RP1: variants seen among roughly 807,000 people sequenced by gnomAD.
RP1 encodes oxygen-regulated protein 1.
RP1 carries 16 observed loss-of-function variants against 14.8 expected under a neutral mutation model. The observed-to-expected ratio is 1.08, with a 90% CI of 0.73 to 1.65. The LOEUF (loss-of-function observed/expected upper bound fraction) is 1.65, where lower values mean the gene tolerates loss of function less well. RP1 is among the 40% of genes most tolerant of loss of function. The pLI is 0.00. For missense variants in RP1, 2,631 were observed against 2,535.0 expected (o/e 1.04, Z -0.81); for synonymous variants, 876 against 883.6 (o/e 0.99, Z 0.15).
chr8:54,706,441 A>AGG lies in RP1; in HGVS notation c.2001_2002dup, dbSNP rs1808151450. ...CTTTCTGTTCTGTTTGTTGCTCTGAAGGGGGTGTTCCTCAACAGTGCTGTG... is the reference window on the plus strand; with the variant it reads ...CTTTCTGTTCTGTTTGTTGCTCTGAAGGGGGGGTGTTCCTCAACAGTGCTGTG... On this transcript the variant is annotated splice_acceptor_variant, in intron 14 of 22. Transcript: ENST00000636932. LOFTEE classifies it high-confidence loss of function. 6.5e-7 allele frequency: 1 copy of AGG among 1,535,672 alleles called. No homozygotes were observed. Among genetic ancestry groups the AGG allele is most frequent in the East Asian group, 2.4e-5 (1 of 40,890 alleles).
intron 3 of RP1, among the ~76,000 whole-genome samples, chr8:54,643,889 G>GT (rs1192119244): frequency 9.9e-5 from 15 of 152,012 alleles, no homozygotes; most frequent in Non-Finnish European, 2.2e-4. Flanking sequence ...TTGCTTTCTA[G>GT]CCCCCAATAA....
intron 24 of RP1, among the ~76,000 whole-genome samples, chr8:54,784,559 C>T (rs1341360925): frequency 6.6e-6 from 1 of 151,958 alleles, no homozygotes; most frequent in Non-Finnish European, 1.5e-5. Flanking sequence ...ATTTTTTTAA[C>T]CAAAGCTACC....
At chr8:54,815,702 T>C (rs1484785754) in intron 24 of RP1, among the ~76,000 whole-genome samples, 2 of 152,116 alleles carry the variant, frequency 1.3e-5, no homozygotes, top group African/African-American at 4.8e-5. Context: ...TGTATGTGTG[T>C]TTGGTGTTTG....
At position 54,721,939 on chromosome 8, in the gene RP1, A is replaced by G. The variant is rs75793110; in HGVS notation, c.2389+1633A>G. Among the ~76,000 whole-genome samples the G allele has an allele frequency of 8.3e-3, 1,269 of 152,252 alleles. 22 individuals are homozygous for G. The highest frequency in any genetic ancestry group is 0.029 in the African/African-American group (1,198 of 41,550). On this transcript the variant is annotated intron_variant, in intron 16 of 22. Transcript: ENST00000636932. ...AGGGGATTTTGTGAAGAGTGACAGA[A>G]TGTTTATGTAAAAGTTTGTAGGGCC...
intron 1 of RP1, among the ~76,000 whole-genome samples, chr8:54,577,942 ATTTTCT>A (rs147187608): frequency 3.5e-4 from 38 of 109,214 alleles, no homozygotes; most frequent in African/African-American, 9.5e-4. Context: ...CATGACAAAC[ATTTTCT>A]TTTTTTTTTA....
chr8:54,663,165 T>C (rs1156529248), intron 6 of RP1, among the ~76,000 whole-genome samples: 1 of 152,196 alleles, frequency 6.6e-6, no homozygotes, highest in Non-Finnish European at 1.5e-5. Context: ...GTATGCTCTC[T>C]GCCTGTGCAT....
chr8:54,560,249 C>T (rs922076129), intron 1 of RP1: 1 of 152,142 alleles, frequency 6.6e-6, no homozygotes, highest in Non-Finnish European at 1.5e-5. Context: ...GTGAGATATT[C>T]TAAGTGAACG....
chr8:54,785,970 C>T (rs191615406), intron 24 of RP1, among the ~76,000 whole-genome samples: 137 of 152,164 alleles, frequency 9.0e-4, no homozygotes, highest in Middle Eastern at 3.4e-3. Flanking sequence ...GTTATATATT[C>T]CCAATATGAA....
chr8:54,741,319 A>G (rs911948574), intron 19 of RP1, among the ~76,000 whole-genome samples: 2 of 152,166 alleles, frequency 1.3e-5, no homozygotes, highest in African/African-American at 2.4e-5. Flanking sequence ...AGCAACTTCC[A>G]TCCTGCAAAC....
intron 12 of RP1, among the ~76,000 whole-genome samples, chr8:54,685,245 G>A (rs912487127): frequency 1.3e-5 from 2 of 152,026 alleles, no homozygotes; most frequent in Non-Finnish European, 2.9e-5. Context: ...CTTTAGTTGT[G>A]ATGTTAGGTT....
rs1806231239 is a variant in RP1 at position 54,630,709 on chromosome 8, T to C, written c.*356T>C. ...AATGTTGTTAGCTTGGTGTAAAATG[T>C]ATATTGACTGTATTGGTGAATAAAT... is the stretch of plus-strand genomic sequence containing the variant. On this transcript the variant is annotated 3_prime_UTR_variant, in exon 4 of 4. Coordinates refer to ENST00000220676, the MANE Select transcript of RP1 (RefSeq NM_006269.2). The C allele has an allele frequency of 7.4e-6, 8 of 1,086,312 alleles. No individual in the cohort carries two copies. Among genetic ancestry groups the C allele is most frequent in the Non-Finnish European group, 7.8e-6 (7 of 893,114 alleles). The allele number at this position is 1,086,312 out of a possible 1,614,324, so 67.3% of individuals were successfully genotyped here.
At chr8:54,842,290 TG>T (rs1811806410) in intron 25 of RP1, among the ~76,000 whole-genome samples, 1 of 152,240 alleles carries the variant, frequency 6.6e-6, no homozygotes, top group Non-Finnish European at 1.5e-5. Flanking sequence ...CCAGGTTTTC[TG>T]AGTTTCTGTT....
intron 1 of RP1, among the ~76,000 whole-genome samples, chr8:54,603,219 G>A (rs1805337315): frequency 6.6e-6 from 1 of 151,944 alleles, no homozygotes; most frequent in Non-Finnish European, 1.5e-5. Context: ...TTTGTATAAG[G>A]TGTAAGGAAG....
exon 26 of RP1, chr8:54,852,673 G>C: frequency 8.1e-7 from 1 of 1,232,016 alleles, no homozygotes; most frequent in Non-Finnish European, 1.0e-6. Context: ...GGTGATTCAG[G>C]AAAACGAAGA....
chr8:54,598,787 A>G (rs949935107), intron 1 of RP1, among the ~76,000 whole-genome samples: 11 of 152,212 alleles, frequency 7.2e-5, no homozygotes, highest in African/African-American at 2.7e-4. Flanking sequence ...AATGGTTGCA[A>G]TATCCTTCGG....
chr8:54,689,507 T>C (rs1443456268), intron 12 of RP1, among the ~76,000 whole-genome samples: 1 of 152,090 alleles, frequency 6.6e-6, no homozygotes, highest in Non-Finnish European at 1.5e-5. Context: ...TCAAAGTCAA[T>C]TACTAGGTTA....
At position 54,767,946 on chromosome 8, in the gene RP1, G is replaced by A. The variant is rs540571027; in HGVS notation, c.3249-1795G>A. On this transcript the variant is annotated intron_variant, in intron 22 of 22. Coordinates refer to the RP1 transcript ENST00000636932. The stretch of plus-strand genomic sequence containing the variant: ...AGAGATGAGCAATCCTGACAGCTGG[G>A]TAGGACTGCGAGCTCACAGTTCGCC... Among the ~76,000 whole-genome samples, 16 of 152,296 alleles carry A rather than the reference G, an allele frequency of 1.1e-4. No individual in the cohort carries two copies. The East Asian group carries it at 3.1e-3, about 29-fold the overall frequency.
intron 1 of RP1, among the ~76,000 whole-genome samples, chr8:54,585,058 T>G (rs550649758): frequency 5.3e-5 from 8 of 152,330 alleles, no homozygotes; most frequent in Non-Finnish European, 1.2e-4. Flanking sequence ...GTTAGCTGGT[T>G]ATTTTGCTCG....
At chr8:54,799,592 C>T (rs1810654419) in intron 24 of RP1, among the ~76,000 whole-genome samples, 1 of 152,016 alleles carries the variant, frequency 6.6e-6, no homozygotes, top group East Asian at 1.9e-4. Context: ...TTTAACTGAA[C>T]TTTTTTTAAT....
Sources: gnomAD v4.1 joint callset for allele counts (sites outside exome capture counted in the v4.1 genomes callset) on GRCh38, gnomAD v4.1.1 for gene constraint, MANE v1.5 for transcripts, NCBI Gene and HGNC (gene_info 2026-07-23, HGNC 2026-07-21) for gene names.